HMGB1: variants seen among roughly 807,000 people sequenced by gnomAD.
HMGB1 encodes high mobility group protein B1.
For missense variants in HMGB1, 79 were observed against 253.5 expected (o/e 0.31, Z 4.67); for synonymous variants, 81 against 84.0 (o/e 0.96, Z 0.19).
intron 1 of HMGB1, among the ~76,000 whole-genome samples, chr13:30,570,332 A>C (rs146778638): frequency 6.6e-6 from 1 of 152,366 alleles, no homozygotes; most frequent in Admixed American, 6.5e-5. Flanking sequence ...TCAAGTTCTC[A>C]TTCTCTACAA....
chr13:30,485,848 G>A (rs557787807), intron 1 of HMGB1, among the ~76,000 whole-genome samples: 19 of 152,262 alleles, frequency 1.2e-4, no homozygotes, highest in African/African-American at 4.1e-4. Context: ...AGTAGTTTAA[G>A]GAAGATTTAT....
At chr13:30,567,641 C>T (rs1016765482) in intron 1 of HMGB1, among the ~76,000 whole-genome samples, 7 of 152,164 alleles carry the variant, frequency 4.6e-5, no homozygotes, top group Non-Finnish European at 4.4e-5. Flanking sequence ...TGAACCACTG[C>T]GCCCAGCCTG....
intron 1 of HMGB1, among the ~76,000 whole-genome samples, chr13:30,504,275 A>T (rs1254570395): frequency 6.6e-6 from 1 of 152,160 alleles, no homozygotes; most frequent in Non-Finnish European, 1.5e-5. Context: ...TGTTCTTGCT[A>T]GTTGGTTTCT....
chr13:30,463,976 G>T, intron 1 of HMGB1: 1 of 437,266 alleles, frequency 2.3e-6, no homozygotes, highest in Non-Finnish European at 3.3e-6. Context: ...GCCCGAGTCT[G>T]CTCTGAATGA....
chr13:30,552,160 A>G (rs1869456544), intron 1 of HMGB1, among the ~76,000 whole-genome samples: 1 of 152,194 alleles, frequency 6.6e-6, no homozygotes, highest in Non-Finnish European at 1.5e-5. Context: ...GATTAGTGCA[A>G]TAAACACACA....
chr13:30,520,709 C>CA (rs1358910127), intron 1 of HMGB1, among the ~76,000 whole-genome samples: 1 of 152,226 alleles, frequency 6.6e-6, no homozygotes, highest in Non-Finnish European at 1.5e-5. Context: ...TTGTTTGACT[C>CA]AGAGTCTGCT....
At chr13:30,505,739 G>C (rs1887849995) in intron 1 of HMGB1, among the ~76,000 whole-genome samples, 1 of 152,100 alleles carries the variant, frequency 6.6e-6, no homozygotes, top group Non-Finnish European at 1.5e-5. Flanking sequence ...CTATCTAGTG[G>C]ATTAGTGTGA....
chr13:30,463,459 A>G, intron 2 of HMGB1, 72 bp downstream of exon 2: 1 of 1,550,518 alleles, frequency 6.4e-7, no homozygotes, highest in Admixed American at 1.9e-5. Flanking sequence ...AATGCCAACT[A>G]GGCTTTTTTT....
chr13:30,594,498 C>T (rs777946593), intron 1 of HMGB1, among the ~76,000 whole-genome samples: 3 of 152,152 alleles, frequency 2.0e-5, no homozygotes, highest in Non-Finnish European at 2.9e-5. Context: ...TCTTGTTCTG[C>T]GTTAGTTCCG....
chr13:30,482,050 G>C (rs1351112112), intron 1 of HMGB1, among the ~76,000 whole-genome samples: 1 of 151,992 alleles, frequency 6.6e-6, no homozygotes, highest in Admixed American at 6.6e-5. Context: ...GGCTGGTCTT[G>C]AACTCCTGAT....
upstream of HMGB1, among the ~76,000 whole-genome samples, chr13:30,469,777 C>T (rs1456135550): frequency 6.6e-6 from 1 of 151,922 alleles, no homozygotes; most frequent in Non-Finnish European, 1.5e-5. Context: ...ACTACAGGCG[C>T]GTGCCACCAC....
intron 1 of HMGB1, among the ~76,000 whole-genome samples, chr13:30,606,242 T>G (rs528991962): frequency 6.6e-6 from 1 of 152,064 alleles, no homozygotes; most frequent in African/African-American, 2.4e-5. Flanking sequence ...CTTGGCACAA[T>G]AGTCTAACAT....
At chr13:30,560,746 T>A (rs1869915128) in intron 1 of HMGB1, among the ~76,000 whole-genome samples, 1 of 152,116 alleles carries the variant, frequency 6.6e-6, no homozygotes, top group Non-Finnish European at 1.5e-5. Context: ...AATTTCTAAG[T>A]GTTAAAGAAG....
intron 1 of HMGB1, among the ~76,000 whole-genome samples, chr13:30,535,219 T>C (rs1396810358): frequency 6.6e-6 from 1 of 152,242 alleles, no homozygotes; most frequent in African/African-American, 2.4e-5. Context: ...CAGCACTTGA[T>C]GGAGTTCATC....
At chr13:30,469,068 T>G (rs1886864008), upstream of HMGB1, among the ~76,000 whole-genome samples, 1 of 151,946 alleles carries the variant, frequency 6.6e-6, no homozygotes, top group Non-Finnish European at 1.5e-5. Context: ...TAATTTTGAA[T>G]TTTTGATAGA....
Position 30,482,942 on chromosome 13 carries a change from C to T in HMGB1, c.-14-19248G>A, listed in dbSNP as rs1287106086. Among the ~76,000 whole-genome samples the T allele has an allele frequency of 5.1e-5, 7 of 137,604 alleles. No homozygotes were observed. In the South Asian group the frequency reaches 1.7e-3, roughly 33 times the overall value. The allele number at this position is 137,604 out of a possible 152,430, so 90.3% of individuals were successfully genotyped here. On this transcript the variant is annotated intron_variant, in intron 1 of 4. Coordinates refer to the HMGB1 transcript ENST00000405805. ...ATCTAGGACTACAAGTGCACACCAC[C>T]AACACCAGCTATTTTTTTTTTTTTT... is the stretch of plus-strand genomic sequence containing the variant.
intron 1 of HMGB1, among the ~76,000 whole-genome samples, chr13:30,474,506 G>C (rs4353357): frequency 3.9e-5 from 6 of 152,076 alleles, no homozygotes; most frequent in African/African-American, 1.4e-4. Flanking sequence ...TGACCGTAAT[G>C]AGTATGCCCA....
At chr13:30,477,961 T>C (rs1462196340) in intron 1 of HMGB1, among the ~76,000 whole-genome samples, 1 of 152,148 alleles carries the variant, frequency 6.6e-6, no homozygotes, top group East Asian at 1.9e-4. Flanking sequence ...AAAAAACGTG[T>C]ATGCTTTTTC....
intron 1 of HMGB1, among the ~76,000 whole-genome samples, chr13:30,475,540 A>C (rs900603544): frequency 2.0e-5 from 3 of 151,596 alleles, no homozygotes; most frequent in African/African-American, 7.3e-5. Flanking sequence ...AAAAAAAAAA[A>C]AAATTCCCTG....
Sources: allele counts gnomAD v4.1 joint callset (sites outside exome capture counted in the v4.1 genomes callset), GRCh38; gene constraint gnomAD v4.1.1; transcripts MANE v1.5; gene names NCBI Gene and HGNC (gene_info 2026-07-23, HGNC 2026-07-21).